Variants in ADAP1 observed in about 807,000 individuals in gnomAD.
ADAP1 encodes arf-GAP with dual PH domain-containing protein 1.
A neutral mutation model predicts 54.9 loss-of-function variants in ADAP1; 31 were observed. The observed-to-expected ratio is 0.56, with a 90% CI of 0.42 to 0.76. The LOEUF (loss-of-function observed/expected upper bound fraction) is 0.76, where lower values mean the gene tolerates loss of function less well. ADAP1 is among the 30% of genes least tolerant of loss of function. The pLI is 0.00. For synonymous variants in ADAP1, 313 were observed against 202.6 expected, an observed-to-expected ratio of 1.55 and a Z score of -4.63; for missense variants, 535 against 512.4, an observed-to-expected ratio of 1.04 and a Z score of -0.42.
chr7:906,691 GGACAT>G (rs1412867291), intron 4 of ADAP1, among the ~76,000 whole-genome samples: 414 of 39,348 alleles, frequency 0.011, 13 homozygotes, highest in Admixed American at 0.091. Flanking sequence ...GGGACACGGG[GGACAT>G]GGACATGGGG....
chr7:920,635 G>T lies in ADAP1; in HGVS notation c.306-585C>A. On this transcript the variant is annotated intron_variant, in intron 3 of 10. Coordinates refer to ENST00000265846, the MANE Select transcript of ADAP1 (RefSeq NM_006869.4). The surrounding 1 kb of genome is among the most constrained non-coding windows in gnomAD (Gnocchi z 4.5). Reference sequence around the variant, plus strand: ...GTCCGGGGCATCAGGAGAAACTACCGGCAAATACCCAAGAATCCAGGAAGA... The same window carrying T: ...GTCCGGGGCATCAGGAGAAACTACCTGCAAATACCCAAGAATCCAGGAAGA... 1.5e-6 allele frequency: 1 copy of T among 676,286 alleles called. No homozygotes were observed. The highest frequency in any genetic ancestry group is 2.0e-5 in the South Asian group (1 of 49,234). 41.9% of individuals were successfully genotyped at this position (676,286 alleles called of 1,614,324 possible). A position where few individuals can be genotyped will look rare whatever the true frequency, so the allele number is the denominator to read the frequency against.
rs1320412250 is a variant in ADAP1 at position 937,297 on chromosome 7, T to G, written c.83-1792A>C. ...GGGGGTCATGCCTGGCCTCTGGGAT[T>G]TGGGGGTCATGCCTGGCCTCTGGGA... is the stretch of plus-strand genomic sequence containing the variant. On this transcript the variant is annotated intron_variant, in intron 1 of 10. Coordinates refer to ENST00000265846, the MANE Select transcript of ADAP1 (RefSeq NM_006869.4). Among the ~76,000 whole-genome samples, 2 of 47,014 alleles carry G rather than the reference T, an allele frequency of 4.3e-5. 1 individual carries two copies. The highest frequency in any genetic ancestry group is 7.9e-5 in the Non-Finnish European group (2 of 25,316). The allele number at this position is 47,014 out of a possible 152,430, so 30.8% of individuals were successfully genotyped here.
At chr7:902,499 T>C (rs963980064) in intron 6 of ADAP1, among the ~76,000 whole-genome samples, 2 of 83,338 alleles carry the variant, frequency 2.4e-5, no homozygotes, top group African/African-American at 9.5e-5. Flanking sequence ...GAAAAATAAA[T>C]ACTCCAAGAA....
At chr7:949,254 G>A (rs1049591382) in intron 1 of ADAP1, among the ~76,000 whole-genome samples, 1 of 152,168 alleles carries the variant, frequency 6.6e-6, no homozygotes, top group African/African-American at 2.4e-5. Flanking sequence ...TGCCTCCCCC[G>A]GGCACATGAG....
rs772315261 is a variant in ADAP1, at chr7:905,805, GA to G, written c.389-634del. ...AAAGGAGAAAGGAGAAAGGAGAAAGGAGAAAGGAGAAGGGAGAAGGGAGAAG... is the reference window on the plus strand; with the variant it reads ...AAAGGAGAAAGGAGAAAGGAGAAAGGGAAAGGAGAAGGGAGAAGGGAGAAG... On this transcript the variant is annotated intron_variant, in intron 4 of 10. Transcript: ENST00000265846. Among the ~76,000 whole-genome samples the G allele has an allele frequency of 5.8e-5, 5 of 85,828 alleles. 1 individual carries two copies. Among genetic ancestry groups the G allele is most frequent in the African/African-American group, 1.8e-4 (4 of 22,730 alleles). 56.3% of individuals were successfully genotyped at this position (85,828 alleles called of 152,430 possible).
chr7:919,481 C>T (rs867479), intron 4 of ADAP1, among the ~76,000 whole-genome samples: 73,638 of 150,176 alleles, frequency 0.49, 19,111 homozygotes, highest in East Asian at 0.65. Context: ...TTCAAACTCA[C>T]GAGTGTGTTA....
chr7:904,404 C>A, intron 5 of ADAP1, 132 bp from the exon 6 acceptor site: 1 of 1,210,070 alleles, frequency 8.3e-7, no homozygotes, highest in South Asian at 1.6e-5. Flanking sequence ...TACTTAAGCG[C>A]TCTGAGCCTT....
chr7:930,122 A>AG (rs1846521662), intron 2 of ADAP1, among the ~76,000 whole-genome samples: 1 of 149,714 alleles, frequency 6.7e-6, no homozygotes, highest in Non-Finnish European at 1.5e-5. Context: ...AAAAAAAAAA[A>AG]AAAAACCCTC....
Position 948,083 on chromosome 7 carries a change from G to A in ADAP1, c.82+6313C>T, listed in dbSNP as rs1044832071. Among the ~76,000 whole-genome samples, 13 of 151,586 alleles carry A rather than the reference G, an allele frequency of 8.6e-5. No individual in the cohort carries two copies. In the East Asian group the frequency reaches 2.5e-3, roughly 29 times the overall value. On this transcript the variant is annotated intron_variant, in intron 1 of 10. Coordinates refer to ENST00000265846, the MANE Select transcript of ADAP1 (RefSeq NM_006869.4). Reference sequence around the variant, plus strand: ...GACCTGCTCCTCACCCCACACCTTGGCCACCCCACGGCCTGCCCTGAACCC... The same window carrying A: ...GACCTGCTCCTCACCCCACACCTTGACCACCCCACGGCCTGCCCTGAACCC...
chr7:935,161 A>C (rs1218979624), intron 2 of ADAP1: 4 of 710,182 alleles, frequency 5.6e-6, no homozygotes, highest in East Asian at 6.0e-5. Flanking sequence ...AGCTGCTCAC[A>C]GAGAGGTTGG....
rs745768553 is a variant in ADAP1 at position 932,250 on chromosome 7, G to A, written c.213+3125C>T. Among the ~76,000 whole-genome samples, 40 of 152,256 alleles carry A rather than the reference G, an allele frequency of 2.6e-4. No homozygotes were observed. In the East Asian group the frequency reaches 2.9e-3, roughly 11 times the overall value. On this transcript the variant is annotated intron_variant, in intron 2 of 10. Transcript: ENST00000265846. ...TCAGGGGTTTCTTGGTAATACCCAC[G>A]GTGGGCCCTCCCCAGCCTTCCTCTC...
At chr7:908,474 A>C (rs972819827) in intron 4 of ADAP1, among the ~76,000 whole-genome samples, 14 of 152,096 alleles carry the variant, frequency 9.2e-5, no homozygotes, top group African/African-American at 2.9e-4. Flanking sequence ...AGCCTCTACA[A>C]GGCTGCTGCC....
intron 2 of ADAP1, 172 bp downstream of exon 2, chr7:935,203 A>C (rs1381134714): frequency 1.4e-5 from 13 of 914,250 alleles, no homozygotes; most frequent in Non-Finnish European, 2.3e-5. Context: ...GCAGCCACAC[A>C]GGCGGAGCCG....
intron 4 of ADAP1, among the ~76,000 whole-genome samples, chr7:916,005 C>T (rs563546593): frequency 4.0e-4 from 61 of 152,350 alleles, no homozygotes; most frequent in African/African-American, 1.3e-3. Context: ...TGCACGCACC[C>T]CCACTTCTGG....
chr7:942,186 T>G (rs1028672500), intron 1 of ADAP1, among the ~76,000 whole-genome samples: 1 of 152,122 alleles, frequency 6.6e-6, no homozygotes, highest in Non-Finnish European at 1.5e-5. Flanking sequence ...AGCCATACAA[T>G]TTTAAAAGAA....
At chr7:902,475 A>AATGCCTGGGCGT (rs1491159593) in intron 6 of ADAP1, among the ~76,000 whole-genome samples, 2 of 142,258 alleles carry the variant, frequency 1.4e-5, no homozygotes, top group African/African-American at 2.7e-5. Context: ...AAAAAAAGAA[A>AATGCCTGGGCGT]GAAAAGAAAG....
intron 1 of ADAP1, among the ~76,000 whole-genome samples, chr7:943,848 G>A (rs539095570): frequency 2.0e-5 from 3 of 149,904 alleles, no homozygotes; most frequent in Non-Finnish European, 4.4e-5. Flanking sequence ...GGGAGGAGGA[G>A]GAAGGGAGAG....
At chr7:929,227 G>C (rs2128107358) in intron 2 of ADAP1, among the ~76,000 whole-genome samples, 1 of 151,924 alleles carries the variant, frequency 6.6e-6, no homozygotes, top group East Asian at 1.9e-4. Flanking sequence ...GGGAGGCAGA[G>C]GTTGCAGTGA....
chr7:932,478 T>G (rs2128108056), intron 2 of ADAP1, among the ~76,000 whole-genome samples: 1 of 152,214 alleles, frequency 6.6e-6, no homozygotes. Context: ...CTGGAGGCCC[T>G]CCAGGGACTC....
Sources: allele counts gnomAD v4.1 joint callset (sites outside exome capture counted in the v4.1 genomes callset), GRCh38; gene constraint gnomAD v4.1.1; non-coding constraint Gnocchi (gnomAD v3.1); transcripts MANE v1.5; gene names NCBI Gene and HGNC (gene_info 2026-07-23, HGNC 2026-07-21).